SYNPO: variants seen among roughly 807,000 people sequenced by gnomAD.
The protein encoded by SYNPO is synaptopodin.
In SYNPO, 19 loss-of-function variants were observed where a neutral mutation model predicts 49.5. The observed-to-expected ratio is 0.38, with a 90% CI of 0.27 to 0.56. SYNPO has a LOEUF of 0.56. SYNPO is among the 20% of genes least tolerant of loss of function. The pLI is 0.68. For synonymous variants in SYNPO, 536 were observed against 548.0 expected (o/e 0.98, Z 0.31); for missense variants, 1,131 against 1,248.3 (o/e 0.91, Z 1.42).
Position 150,648,599 on chromosome 5 carries a change from C to G in SYNPO, c.324C>G (p.Ser108Arg), listed in dbSNP as rs1207890411. Reference sequence around the variant, plus strand: ...CACCGGCAACTGTTGTCCCACAGAGCCTGCCACTTTCTAGCATCCAACAGA... The same window carrying G: ...CACCGGCAACTGTTGTCCCACAGAGGCTGCCACTTTCTAGCATCCAACAGA... ...QNPPATVVPQ[S>R]LPLSSIQQNS... Residue 108 changes from serine (S) to arginine (R), a missense_variant, in exon 2 of 3, where the codon AGC becomes AGG. Physicochemically the swap from Ser to Arg is moderately radical, Grantham distance 110. Around this residue, in one of 4 missense-constraint regions of SYNPO, gnomAD observed 602 missense variants for 720.7 expected, o/e 0.84. Coordinates refer to ENST00000307662, the MANE Select transcript of SYNPO (RefSeq NM_007286.6). This position sits in a 1 kb window ranked among gnomAD's most constrained non-coding sequence, Gnocchi z 5.0. The G allele has an allele frequency of 1.9e-6, 3 of 1,614,194 alleles. No homozygotes were observed. Among genetic ancestry groups the G allele is most frequent in the Non-Finnish European group, 2.5e-6 (3 of 1,180,038 alleles).
chr5:150,592,652 G>T, the SYNPO span, among the ~76,000 whole-genome samples: 1 of 152,340 alleles, frequency 6.6e-6, no homozygotes, highest in African/African-American at 2.4e-5. Flanking sequence ...CAATCTTGGA[G>T]CCCGAGCACC....
chr5:150,634,613 G>T (rs1757645836), intron 2 of SYNPO, among the ~76,000 whole-genome samples: 1 of 152,130 alleles, frequency 6.6e-6, no homozygotes, highest in African/African-American at 2.4e-5. Context: ...GAGCCCAGGA[G>T]TTTGAGACCA....
chr5:150,643,718 A>T (rs543401830), intron 1 of SYNPO, among the ~76,000 whole-genome samples: 1 of 152,072 alleles, frequency 6.6e-6, no homozygotes, highest in African/African-American at 2.4e-5. Context: ...TATTTTTAGT[A>T]GAGATGGGGT....
At chr5:150,647,436 G>C (rs894679895) in intron 1 of SYNPO, among the ~76,000 whole-genome samples, 2 of 152,208 alleles carry the variant, frequency 1.3e-5, no homozygotes, top group Admixed American at 1.3e-4. Context: ...GACTTGAGTG[G>C]CAAGATAGGA....
chr5:150,640,624 G>C (rs1757869318), upstream of SYNPO: 3 of 984,712 alleles, frequency 3.0e-6, no homozygotes, highest in Non-Finnish European at 3.6e-6. Context: ...GGGGTGGAGA[G>C]GCCATTTAAA....
At chr5:150,626,917 C>G (rs368847940) in intron 2 of SYNPO, among the ~76,000 whole-genome samples, 1 of 152,128 alleles carries the variant, frequency 6.6e-6, no homozygotes, top group African/African-American at 2.4e-5. Context: ...TGGGAGGAAC[C>G]TTCTTCCATC....
intron 2 of SYNPO, among the ~76,000 whole-genome samples, chr5:150,634,377 C>T (rs1277755905): frequency 3.3e-5 from 5 of 152,200 alleles, no homozygotes; most frequent in South Asian, 4.1e-4. Flanking sequence ...TTTCCCTCTA[C>T]TGTTCAGTTG....
At position 150,650,302 on chromosome 5, in the gene SYNPO, A is replaced by C; in HGVS notation, c.2027A>C (p.Gln676Pro). ...FSTRNAGIEA[Q>P]DRRESLPTSP... Reference sequence around the variant, plus strand: ...ACCCGGAACGCCGGGATCGAGGCTCAGGTGTGGAAGCCTTCCTTCTGCTTC... The same window carrying C: ...ACCCGGAACGCCGGGATCGAGGCTCCGGTGTGGAAGCCTTCCTTCTGCTTC... Residue 676 changes from glutamine to proline, a missense_variant and splice_region_variant, in exon 2 of 3, where the codon CAG (glutamine) becomes CCG (proline). Transcript: ENST00000307662. 6.2e-7 allele frequency: 1 copy of C among 1,614,074 alleles called. No homozygotes were observed. Among genetic ancestry groups the C allele is most frequent in the Non-Finnish European group, 8.5e-7 (1 of 1,180,020 alleles).
At chr5:150,613,234 C>T (rs1028815141) in intron 1 of SYNPO, among the ~76,000 whole-genome samples, 4 of 152,188 alleles carry the variant, frequency 2.6e-5, no homozygotes, top group Non-Finnish European at 5.9e-5. Flanking sequence ...CAGAGCTGGG[C>T]CTTGCAGTCA....
At chr5:150,636,192 C>G (rs1327627527), upstream of SYNPO, among the ~76,000 whole-genome samples, 1 of 152,158 alleles carries the variant, frequency 6.6e-6, no homozygotes, top group Non-Finnish European at 1.5e-5. Flanking sequence ...ATCCATGCAC[C>G]ACCTATACAT....
intron 1 of SYNPO, among the ~76,000 whole-genome samples, chr5:150,617,878 G>A (rs1757024794): frequency 6.6e-6 from 1 of 152,170 alleles, no homozygotes; most frequent in Non-Finnish European, 1.5e-5. Flanking sequence ...GTTGATTAAT[G>A]GAAAAATATT....
At chr5:150,618,754 G>C (rs1046438722) in exon 2 of SYNPO, 2 of 1,551,214 alleles carry the variant, frequency 1.3e-6, no homozygotes, top group Admixed American at 3.9e-5. Context: ...GGCCCAGAGT[G>C]GCCCAGAAAC....
At chr5:150,603,333 G>C (rs921008317) in intron 1 of SYNPO, among the ~76,000 whole-genome samples, 1 of 152,246 alleles carries the variant, frequency 6.6e-6, no homozygotes, top group Admixed American at 6.5e-5. Context: ...CCCAGGACTA[G>C]CCAGGGAGAG....
At position 150,650,198 on chromosome 5, in the gene SYNPO, C is replaced by A; in HGVS notation, c.1923C>A (p.Tyr641Ter). ...SLQPTAVSPP[Y>*]GGDISPVSPS... ...AGCCCACTGCCGTGAGCCCTCCTTA[C>A]GGCGGTGACATCTCCCCCGTGTCTC... is the stretch of plus-strand genomic sequence containing the variant. The change falls in exon 2 of 3, where the codon TAC becomes TAA. Residue 641 changes from tyrosine to a stop codon, truncating the protein, a stop_gained. Transcript: ENST00000307662. LOFTEE classifies it high-confidence loss of function. The A allele has an allele frequency of 1.2e-6, 2 of 1,613,960 alleles. No individual in the cohort carries two copies. Among genetic ancestry groups the A allele is most frequent in the Non-Finnish European group, 1.7e-6 (2 of 1,180,018 alleles).
chr5:150,621,874 T>C (rs756805509), intron 2 of SYNPO, among the ~76,000 whole-genome samples: 1 of 152,132 alleles, frequency 6.6e-6, no homozygotes, highest in African/African-American at 2.4e-5. Flanking sequence ...GAAAGGGTAG[T>C]GTAGAGCTCA....
chr5:150,595,392 C>T, the SYNPO span, among the ~76,000 whole-genome samples: 11 of 152,342 alleles, frequency 7.2e-5, no homozygotes, highest in South Asian at 2.3e-3. Flanking sequence ...TGAAGGGAAA[C>T]AGAGGCCCAG....
At chr5:150,616,860 C>T (rs1332855007) in intron 1 of SYNPO, among the ~76,000 whole-genome samples, 2 of 152,094 alleles carry the variant, frequency 1.3e-5, no homozygotes, top group Non-Finnish European at 2.9e-5. Context: ...TACAGAAAGC[C>T]TCCATTCCCT....
exon 2 of SYNPO, chr5:150,618,747 C>T (rs768212670): frequency 8.4e-6 from 13 of 1,551,224 alleles, no homozygotes; most frequent in Non-Finnish European, 1.0e-5. Flanking sequence ...GGCCCTGGGC[C>T]CAGAGTGGCC....
At chr5:150,624,785 AGCCTGGGCCTGGCGCGGG>A in intron 2 of SYNPO, 1 of 923,962 alleles carries the variant, frequency 1.1e-6, no homozygotes, top group Non-Finnish European at 1.3e-6. Context: ...TCGGGCGCGG[AGCCTGGGCCTGGCGCGGG>A]GCGGGGGTGG....
Sources: gnomAD v4.1 joint callset for allele counts (sites outside exome capture counted in the v4.1 genomes callset) on GRCh38, gnomAD v4.1.1 for gene constraint, gnomAD v4.1.1 regional missense constraint, Gnocchi (gnomAD v3.1) non-coding constraint, MANE v1.5 for transcripts, NCBI Gene and HGNC (gene_info 2026-07-23, HGNC 2026-07-21) for gene names.